Variants in MPPED2 observed in about 807,000 individuals in gnomAD.
MPPED2 encodes metallophosphoesterase domain containing 2.
Under a neutral mutation model 33.0 loss-of-function variants are expected in MPPED2, and 5 were observed. That is an observed-to-expected ratio of 0.15 (90% CI 0.08 to 0.32). The LOEUF (loss-of-function observed/expected upper bound fraction) is 0.32, where lower values mean the gene tolerates loss of function less well. Among genes scored for constraint, MPPED2 ranks in the 10% least tolerant of loss-of-function variants. MPPED2 has a pLI of 1.00. For missense variants in MPPED2, 275 were observed against 372.1 expected (o/e 0.74, Z 2.15); for synonymous variants, 136 against 141.9 (o/e 0.96, Z 0.29).
At chr11:30,471,183 A>G (rs1400201846) in intron 4 of MPPED2, among the ~76,000 whole-genome samples, 1 of 152,038 alleles carries the variant, frequency 6.6e-6, no homozygotes, top group Non-Finnish European at 1.5e-5. Flanking sequence ...TTTCCTGTTC[A>G]CCTCACGTGA....
chr11:30,436,976 A>T (rs1382637673), intron 4 of MPPED2, among the ~76,000 whole-genome samples: 1 of 152,182 alleles, frequency 6.6e-6, no homozygotes, highest in Non-Finnish European at 1.5e-5. Context: ...GAATGCCGTG[A>T]TGGCTGTCAC....
intron 1 of MPPED2, among the ~76,000 whole-genome samples, chr11:30,582,971 G>A (rs1957237122): frequency 6.6e-6 from 1 of 152,074 alleles, no homozygotes; most frequent in Non-Finnish European, 1.5e-5. Context: ...GTCCTTTGAA[G>A]AAAATGTCAG....
downstream of MPPED2, chr11:30,410,015 T>C (rs931107330): frequency 1.5e-5 from 11 of 756,412 alleles, no homozygotes; most frequent in African/African-American, 1.3e-4. Context: ...GATGACAGCA[T>C]GATGGAAGGA....
At chr11:30,424,900 C>T (rs1246780427) in intron 4 of MPPED2, among the ~76,000 whole-genome samples, 1 of 152,174 alleles carries the variant, frequency 6.6e-6, no homozygotes, top group Non-Finnish European at 1.5e-5. Context: ...GAAAACTTAA[C>T]ATCAGGGCAA....
At chr11:30,585,830 G>C (rs1411420821) in intron 1 of MPPED2, among the ~76,000 whole-genome samples, 2 of 152,186 alleles carry the variant, frequency 1.3e-5, no homozygotes, top group Non-Finnish European at 2.9e-5. Context: ...CGAATTGCCC[G>C]GGAGGCGCCC....
chr11:30,563,732 G>A (rs1367912649), intron 2 of MPPED2, among the ~76,000 whole-genome samples: 1 of 152,166 alleles, frequency 6.6e-6, no homozygotes, highest in East Asian at 1.9e-4. Flanking sequence ...ACATATTGAA[G>A]ACTGTTTATT....
intron 4 of MPPED2, among the ~76,000 whole-genome samples, chr11:30,471,416 G>T (rs750830782): frequency 6.6e-6 from 1 of 152,198 alleles, no homozygotes; most frequent in African/African-American, 2.4e-5. Context: ...AGGCCCTTAT[G>T]ACCTTCTCAT....
chr11:30,571,184 G>T, intron 2 of MPPED2, among the ~76,000 whole-genome samples: 1 of 149,800 alleles, frequency 6.7e-6, no homozygotes, highest in East Asian at 2.0e-4. Flanking sequence ...AGTTTCAACA[G>T]CTCTGAGGCT....
chr11:30,563,909 T>C (rs908017392), intron 2 of MPPED2, among the ~76,000 whole-genome samples: 1 of 152,168 alleles, frequency 6.6e-6, no homozygotes, highest in African/African-American at 2.4e-5. Context: ...TGGAGGTAAC[T>C]TGTGCTGGGA....
exon 7 of MPPED2, chr11:30,388,045 A>G (rs549928061): frequency 3.9e-5 from 6 of 152,420 alleles, no homozygotes; most frequent in African/African-American, 1.4e-4. Flanking sequence ...GCTGTCTACC[A>G]CTGCCGCCTT....
At chr11:30,473,839 A>C (rs117161036) in intron 4 of MPPED2, among the ~76,000 whole-genome samples, 8 of 152,306 alleles carry the variant, frequency 5.3e-5, no homozygotes, top group Non-Finnish European at 1.2e-4. Flanking sequence ...AAAACCCAGA[A>C]AACCATGAGA....
intron 4 of MPPED2, among the ~76,000 whole-genome samples, chr11:30,431,162 G>C (rs1353884387): frequency 6.6e-6 from 1 of 152,138 alleles, no homozygotes; most frequent in African/African-American, 2.4e-5. Flanking sequence ...CAGCGGGTTG[G>C]GGGGGATTCC....
chr11:30,432,509 G>T (rs1358184047), intron 4 of MPPED2, among the ~76,000 whole-genome samples: 1 of 151,924 alleles, frequency 6.6e-6, no homozygotes, highest in Non-Finnish European at 1.5e-5. Flanking sequence ...TTTTTGAAAG[G>T]TATCTTTATG....
intron 4 of MPPED2, among the ~76,000 whole-genome samples, chr11:30,439,068 G>A (rs1286274269): frequency 1.3e-5 from 2 of 152,190 alleles, no homozygotes; most frequent in Non-Finnish European, 2.9e-5. Flanking sequence ...GAATTTGGTG[G>A]AAGAAGACAG....
intron 2 of MPPED2, among the ~76,000 whole-genome samples, chr11:30,566,017 T>TAA (rs201730390): frequency 6.7e-6 from 1 of 150,318 alleles, no homozygotes; most frequent in Non-Finnish European, 1.5e-5. Context: ...AGTTTACTAT[T>TAA]AAAAAAAAAA....
intron 4 of MPPED2, among the ~76,000 whole-genome samples, chr11:30,468,256 ACTCTCTCTCT>A (rs3837402): frequency 0.17 from 23,808 of 142,702 alleles, 2,340 homozygotes; most frequent in East Asian, 0.23. Context: ...ACACACACAC[ACTCTCTCTCT>A]CTCTCTCTCT....
intron 4 of MPPED2, among the ~76,000 whole-genome samples, chr11:30,477,846 G>C (rs2134100929): frequency 6.6e-6 from 1 of 152,126 alleles, no homozygotes; most frequent in African/African-American, 2.4e-5. Context: ...TCTCAGTTTA[G>C]ACACTTTCAA....
intron 3 of MPPED2, among the ~76,000 whole-genome samples, chr11:30,498,191 A>G (rs1403159742): frequency 1.3e-5 from 2 of 151,936 alleles, no homozygotes; most frequent in African/African-American, 4.8e-5. Context: ...TTTCCATTTT[A>G]TTCAGATCAT....
At chr11:30,425,855 C>T (rs1948815584) in intron 4 of MPPED2, among the ~76,000 whole-genome samples, 1 of 152,130 alleles carries the variant, frequency 6.6e-6, no homozygotes, top group East Asian at 1.9e-4. Flanking sequence ...CAGTTCCCAT[C>T]ATCCAGGTTT....
Sources: allele counts gnomAD v4.1 joint callset (sites outside exome capture counted in the v4.1 genomes callset), GRCh38; gene constraint gnomAD v4.1.1; transcripts MANE v1.5; gene names NCBI Gene and HGNC (gene_info 2026-07-23, HGNC 2026-07-21).